The following NFATC3 variants were observed in gnomAD, a reference collection of about 807,000 sequenced individuals.
NFATC3 encodes nuclear factor of activated T cells 3, also known as nuclear factor of activated T-cells, cytoplasmic 3.
In NFATC3, 46 loss-of-function variants were observed where a neutral mutation model predicts 98.6. That is an observed-to-expected ratio of 0.47 (90% CI 0.37 to 0.60). The LOEUF (loss-of-function observed/expected upper bound fraction) is 0.60. NFATC3 is among the 20% of genes least tolerant of loss of function. The pLI is 0.00. For synonymous variants in NFATC3, 512 were observed against 472.2 expected, an observed-to-expected ratio of 1.08 and a Z score of -1.09; for missense variants, 1,256 against 1,295.5, an observed-to-expected ratio of 0.97 and a Z score of 0.47.
At chr16:68,095,347 A>ATT (rs35343240) in intron 1 of NFATC3, among the ~76,000 whole-genome samples, 3,360 of 103,682 alleles carry the variant, frequency 0.032, 239 homozygotes, top group African/African-American at 0.1. Flanking sequence ...TGCCCAGCTA[A>ATT]TTTTTTTTTT....
At chr16:68,126,860 C>T (rs1467727496) in intron 3 of NFATC3, among the ~76,000 whole-genome samples, 1 of 152,016 alleles carries the variant, frequency 6.6e-6, no homozygotes, top group Non-Finnish European at 1.5e-5. Context: ...GCCAAATAGC[C>T]GTTTTTCTGA....
chr16:68,113,862 A>G (rs770041986), intron 1 of NFATC3, among the ~76,000 whole-genome samples: 18 of 152,240 alleles, frequency 1.2e-4, no homozygotes, highest in Non-Finnish European at 2.2e-4. Context: ...ACGATCTGCC[A>G]CCGCCACTGT....
At chr16:68,085,876 A>G in intron 1 of NFATC3, 92 bp downstream of exon 1, 1 of 1,006,190 alleles carries the variant, frequency 9.9e-7, no homozygotes, top group Non-Finnish European at 1.4e-6. Context: ...ATGACCGGAG[A>G]CCGATAACCC....
At chr16:68,143,250 A>G (rs2037855297) in intron 3 of NFATC3, among the ~76,000 whole-genome samples, 2 of 151,348 alleles carry the variant, frequency 1.3e-5, no homozygotes, top group South Asian at 2.1e-4. Context: ...GAAAGGCTAT[A>G]TAGTTATAAA....
At chr16:68,199,211 G>C (rs971283698) in intron 9 of NFATC3, among the ~76,000 whole-genome samples, 25 of 150,658 alleles carry the variant, frequency 1.7e-4, no homozygotes, top group Non-Finnish European at 2.9e-4. Flanking sequence ...CCAAGACCCT[G>C]TTTATTTTTT....
At chr16:68,189,527 TTACATTGAATCTGAA>T (rs2040349816) in intron 8 of NFATC3, 1 of 153,788 alleles carries the variant, frequency 6.5e-6, no homozygotes, top group Non-Finnish European at 1.5e-5. Flanking sequence ...TTGATAGGGA[TTACATTGAATCTGAA>T]GATCACTTTA....
chr16:68,175,616 A>G (rs1367474935), intron 6 of NFATC3, among the ~76,000 whole-genome samples: 2 of 151,854 alleles, frequency 1.3e-5, no homozygotes, highest in African/African-American at 2.4e-5. Flanking sequence ...CTGGAGTGCA[A>G]TGGCACAATC....
chr16:68,100,505 C>T (rs531826556), intron 1 of NFATC3, among the ~76,000 whole-genome samples: 13 of 151,946 alleles, frequency 8.6e-5, no homozygotes, highest in Middle Eastern at 3.4e-3. Context: ...ACCCTGGAGG[C>T]GGAGGTTGCA....
chr16:68,220,895 G>T (rs1487448531), intron 9 of NFATC3, among the ~76,000 whole-genome samples: 2 of 151,822 alleles, frequency 1.3e-5, no homozygotes, highest in African/African-American at 4.8e-5. Context: ...CTCCAGCCTG[G>T]GAGACAGAGG....
intron 9 of NFATC3, among the ~76,000 whole-genome samples, chr16:68,219,443 T>A (rs917507963): frequency 2.6e-5 from 4 of 152,094 alleles, no homozygotes; most frequent in African/African-American, 9.7e-5. Context: ...ATGCCTGTAG[T>A]CCCAGCTACT....
At chr16:68,185,536 A>G (rs1196379589) in intron 8 of NFATC3, among the ~76,000 whole-genome samples, 2 of 151,716 alleles carry the variant, frequency 1.3e-5, no homozygotes, top group Non-Finnish European at 2.9e-5. Context: ...CAGTCAACAG[A>G]TTAGGGGGTT....
chr16:68,089,436 A>G, intron 1 of NFATC3: 1 of 291,760 alleles, frequency 3.4e-6, no homozygotes, highest in South Asian at 1.3e-4. Flanking sequence ...CAGCTTTCTT[A>G]TTTATTTATT....
chr16:68,095,201 A>C (rs955997654), intron 1 of NFATC3, among the ~76,000 whole-genome samples: 3 of 151,832 alleles, frequency 2.0e-5, no homozygotes, highest in African/African-American at 4.8e-5. Flanking sequence ...ACTTAAAAAA[A>C]ATTTTTTTTT....
intron 1 of NFATC3, chr16:68,089,231 A>G: frequency 4.1e-6 from 4 of 985,438 alleles, no homozygotes; most frequent in Non-Finnish European, 4.8e-6. Context: ...AGGACAAGCC[A>G]AGGGCTGAAT....
chr16:68,170,015 C>T (rs1179140242), intron 5 of NFATC3, among the ~76,000 whole-genome samples: 3 of 151,894 alleles, frequency 2.0e-5, no homozygotes, highest in Non-Finnish European at 4.4e-5. Flanking sequence ...CACTGCACTC[C>T]AGCCTGGGCG....
At chr16:68,126,649 A>T in intron 3 of NFATC3, 39 bp downstream of exon 3, 2 of 1,603,520 alleles carry the variant, frequency 1.2e-6, no homozygotes. Context: ...GATACCATAC[A>T]CCTAGTGATG....
chr16:68,182,329 A>G (rs977753318), intron 7 of NFATC3, among the ~76,000 whole-genome samples: 1 of 152,140 alleles, frequency 6.6e-6, no homozygotes, highest in Non-Finnish European at 1.5e-5. Flanking sequence ...TGGAATGGAG[A>G]CAGAGCATTT....
chr16:68,096,796 T>TGGAA (rs1477216936), intron 1 of NFATC3, among the ~76,000 whole-genome samples: 1 of 152,150 alleles, frequency 6.6e-6, no homozygotes, highest in East Asian at 1.9e-4. Context: ...ATTTGGAAAG[T>TGGAA]GGAAGATCAG....
intron 5 of NFATC3, among the ~76,000 whole-genome samples, chr16:68,173,546 G>A (rs1435068351): frequency 6.6e-6 from 1 of 152,084 alleles, no homozygotes; most frequent in Non-Finnish European, 1.5e-5. Flanking sequence ...CAGCCTGGGC[G>A]ACACAGCAAG....
Sources: allele counts gnomAD v4.1 joint callset (sites outside exome capture counted in the v4.1 genomes callset), GRCh38; gene constraint gnomAD v4.1.1; transcripts MANE v1.5; gene names NCBI Gene and HGNC (gene_info 2026-07-23, HGNC 2026-07-21).